The following DENND2A variants were observed in gnomAD, a reference collection of about 807,000 sequenced individuals.
The protein encoded by DENND2A is DENN domain containing 2A.
DENND2A carries 53 observed loss-of-function variants against 105.3 expected under a neutral mutation model. That is an observed-to-expected ratio of 0.50 (90% CI 0.40 to 0.63). The LOEUF (loss-of-function observed/expected upper bound fraction) is 0.63, where lower values mean the gene tolerates loss of function less well. Among genes scored for constraint, DENND2A ranks in the 30% least tolerant of loss-of-function variants. DENND2A has a pLI of 0.00. For missense variants in DENND2A, 1,138 were observed against 1,279.6 expected (o/e 0.89, Z 1.69); for synonymous variants, 522 against 508.4 (o/e 1.03, Z -0.36).
chr7:140,579,390 A>T (rs1401712196), intron 5 of DENND2A, among the ~76,000 whole-genome samples: 1 of 126,348 alleles, frequency 7.9e-6, no homozygotes, highest in Non-Finnish European at 1.6e-5. Context: ...TATAATGACA[A>T]ATCTTTTCTT....
At chr7:140,561,846 C>T (rs1322174922) in intron 9 of DENND2A, among the ~76,000 whole-genome samples, 1 of 151,714 alleles carries the variant, frequency 6.6e-6, no homozygotes, top group Non-Finnish European at 1.5e-5. Flanking sequence ...TAATTTGCAT[C>T]AATTTCTTTG....
At position 140,601,536 on chromosome 7, in the gene DENND2A, C is replaced by G. The variant is rs375363340; in HGVS notation, c.862G>C (p.Gly288Arg). 3.7e-6 allele frequency: 6 copies of G among 1,614,036 alleles called. No homozygotes were observed. Among genetic ancestry groups the G allele is most frequent in the Middle Eastern group, 1.6e-4 (1 of 6,084 alleles). ...EGDKDGKPGI[G>R]FRKEKRNLPP... ...AGATTTCTTTTCTCTTTCCTGAAGCCGATGCCAGGCTTCCCATCTTTGTCC... is the reference window on the plus strand; with the variant it reads ...AGATTTCTTTTCTCTTTCCTGAAGCGGATGCCAGGCTTCCCATCTTTGTCC... The change falls in exon 3 of 20, where the codon GGC (glycine) becomes CGC (arginine). Residue 288 changes from glycine (G) to arginine (R), a missense_variant. This residue lies in a region of DENND2A where 511 missense variants were observed against 499.9 expected (regional missense o/e 1.02). Transcript: ENST00000496613.
intron 12 of DENND2A, 149 bp from the exon 13 acceptor site, chr7:140,547,088 C>T (rs527430980): frequency 1.1e-6 from 1 of 941,706 alleles, no homozygotes; most frequent in Admixed American, 2.9e-5. Context: ...CCCTTTGACC[C>T]TACACATGAT....
Position 140,587,794 on chromosome 7 carries a change from G to A in DENND2A, c.996-14C>T. The A allele has an allele frequency of 6.5e-7, 1 of 1,538,696 alleles. No individual in the cohort carries two copies. The highest frequency in any genetic ancestry group is 8.8e-7 in the Non-Finnish European group (1 of 1,136,792). On this transcript the variant is annotated splice_polypyrimidine_tract_variant and intron_variant, in intron 3 of 19. Coordinates refer to ENST00000496613, the MANE Select transcript of DENND2A (RefSeq NM_015689.5). ...TCATAGGACTTTCTGGAATGTGCCA[G>A]ATGGGAGGAAAAAACAAAGAATTTG... is the stretch of plus-strand genomic sequence containing the variant.
At chr7:140,633,367 C>T (rs1448587222) in intron 1 of DENND2A, among the ~76,000 whole-genome samples, 2 of 151,830 alleles carry the variant, frequency 1.3e-5, no homozygotes, top group Non-Finnish European at 2.9e-5. Context: ...TTTGGCCAGG[C>T]TGGTCTCAAA....
At chr7:140,576,324 C>G (rs962025416) in intron 5 of DENND2A, among the ~76,000 whole-genome samples, 2 of 151,834 alleles carry the variant, frequency 1.3e-5, no homozygotes, top group African/African-American at 4.8e-5. Flanking sequence ...TCTTTCTTTG[C>G]CTAAAAAAAC....
In DENND2A at chr7:140,601,432, G is replaced by C. The variant is rs756164121; in HGVS notation, c.966C>G (p.Thr322=). Residue 322 remains threonine (T), a synonymous_variant, in exon 3 of 20, where the codon ACC becomes ACG. Transcript: ENST00000496613. ...PPSSVNRRLW[T]GRQKSSADHR... ...GGTCTGCACTGGATTTCTGTCTCCC[G>C]GTCCACAGTCTTCTGTTCACAGAGG... 15 of 1,608,428 alleles carry C rather than the reference G, an allele frequency of 9.3e-6. No individual in the cohort carries two copies. Among genetic ancestry groups the C allele is most frequent in the Middle Eastern group, 1.7e-4 (1 of 6,030 alleles).
chr7:140,607,045 T>C (rs1799713577), intron 1 of DENND2A, among the ~76,000 whole-genome samples: 1 of 152,152 alleles, frequency 6.6e-6, no homozygotes, highest in African/African-American at 2.4e-5. Flanking sequence ...TCTTCCCTAG[T>C]GGAGAGGAGC....
At chr7:140,616,078 CA>C (rs550838276) in intron 1 of DENND2A, among the ~76,000 whole-genome samples, 111 of 152,156 alleles carry the variant, frequency 7.3e-4, no homozygotes, top group Middle Eastern at 3.4e-3. Context: ...CAGAATAGGC[CA>C]ATCCTGGCCG....
At chr7:140,522,901 C>G (rs1269482580) in intron 17 of DENND2A, among the ~76,000 whole-genome samples, 3 of 151,906 alleles carry the variant, frequency 2.0e-5, no homozygotes, top group Non-Finnish European at 4.4e-5. Flanking sequence ...AGCTGCTGTG[C>G]CTGGCCACAG....
intron 4 of DENND2A, among the ~76,000 whole-genome samples, chr7:140,586,035 C>T (rs1798765993): frequency 6.6e-6 from 1 of 152,092 alleles, no homozygotes; most frequent in Admixed American, 6.6e-5. Flanking sequence ...GCATGGCATT[C>T]CCCGGCTCTA....
chr7:140,548,601 G>GT (rs1236960702), intron 12 of DENND2A, among the ~76,000 whole-genome samples: 5 of 151,114 alleles, frequency 3.3e-5, no homozygotes, highest in African/African-American at 7.3e-5. Context: ...GAATTCAGAG[G>GT]TTTTTTTACT....
At chr7:140,580,306 T>TATGTATGC (rs113910778) in intron 5 of DENND2A, among the ~76,000 whole-genome samples, 161 of 151,784 alleles carry the variant, frequency 1.1e-3, no homozygotes, top group Non-Finnish European at 1.4e-3. Context: ...TGTATGCATG[T>TATGTATGC]ATGTATGCAT....
intron 1 of DENND2A, among the ~76,000 whole-genome samples, chr7:140,606,265 C>G (rs1799684226): frequency 6.6e-6 from 1 of 152,174 alleles, no homozygotes; most frequent in African/African-American, 2.4e-5. Context: ...GTCTTGAACT[C>G]CTGGCCTCAA....
rs777180623 is a variant in DENND2A, at chr7:140,573,951, G to A, written c.1303C>T (p.Leu435=). 1.9e-6 allele frequency: 3 copies of A among 1,614,052 alleles called. No individual in the cohort carries two copies. In the South Asian group the frequency reaches 3.3e-5, roughly 18 times the overall value. ...RQNSERRNFK[L]LDTRKLSRDG... Reference sequence around the variant, plus strand: ...CGACTCAGCTTCCTAGTGTCCAGCAGCTTGAAGTTCCTCCTCTCTGAATTT... The same window carrying A: ...CGACTCAGCTTCCTAGTGTCCAGCAACTTGAAGTTCCTCCTCTCTGAATTT... Residue 435 remains leucine (L), a synonymous_variant, in exon 6 of 20, where the codon CTG becomes TTG. Coordinates refer to ENST00000496613, the MANE Select transcript of DENND2A (RefSeq NM_015689.5).
chr7:140,610,682 A>G (rs958235114), intron 1 of DENND2A, among the ~76,000 whole-genome samples: 15 of 152,366 alleles, frequency 9.8e-5, no homozygotes, highest in African/African-American at 3.6e-4. Context: ...AATTTAAAAC[A>G]GATATAAAGT....
rs530095735 is a variant in DENND2A, at chr7:140,544,340, G to A, written c.2327+278C>T. 1.7e-4 allele frequency: 91 copies of A among 524,448 alleles called. 1 individual carries two copies. Among genetic ancestry groups the A allele is most frequent in the East Asian group, 1.3e-3 (39 of 29,306 alleles). The allele number at this position is 524,448 out of a possible 1,614,324, so 32.5% of individuals were successfully genotyped here. A position where few individuals can be genotyped will look rare whatever the true frequency, so the allele number is the denominator to read the frequency against. ...CTCCCAAGTAGCTGGGATAACAAGC[G>A]TGGGCCACCATGGCTGGCTAATTTT... On this transcript the variant is annotated intron_variant, in intron 14 of 19. Coordinates refer to ENST00000496613, the MANE Select transcript of DENND2A (RefSeq NM_015689.5).
intron 12 of DENND2A, among the ~76,000 whole-genome samples, chr7:140,551,278 C>A (rs1192941706): frequency 5.9e-5 from 7 of 117,874 alleles, no homozygotes; most frequent in African/African-American, 2.4e-4. Context: ...CCAGCCTGGG[C>A]GACAGAGCAA....
intron 14 of DENND2A, among the ~76,000 whole-genome samples, chr7:140,542,231 G>A (rs1796692550): frequency 6.6e-6 from 1 of 152,166 alleles, no homozygotes; most frequent in African/African-American, 2.4e-5. Context: ...TCAAAAATGA[G>A]CTTCTTTTTA....
Sources: gnomAD v4.1 joint callset for allele counts (sites outside exome capture counted in the v4.1 genomes callset) on GRCh38, gnomAD v4.1.1 for gene constraint, gnomAD v4.1.1 regional missense constraint, MANE v1.5 for transcripts, NCBI Gene and HGNC (gene_info 2026-07-23, HGNC 2026-07-21) for gene names.